The following POLD3 variants were observed in gnomAD, a reference collection of about 807,000 sequenced individuals.
POLD3 encodes the protein DNA polymerase delta 3, accessory subunit.
A neutral mutation model predicts 58.2 loss-of-function variants in POLD3; 19 were observed. That is an observed-to-expected ratio of 0.33 (90% CI 0.23 to 0.48). The LOEUF is 0.48. POLD3 is among the 20% of genes least tolerant of loss of function. The pLI is 0.99. For synonymous variants in POLD3, 172 were observed against 193.5 expected (o/e 0.89, Z 0.92); for missense variants, 504 against 545.5 (o/e 0.92, Z 0.76).
At chr11:74,661,516 T>C (rs2033206723) in intron 4 of POLD3, among the ~76,000 whole-genome samples, 1 of 152,216 alleles carries the variant, frequency 6.6e-6, no homozygotes, top group Non-Finnish European at 1.5e-5. Flanking sequence ...GTGGAGACTC[T>C]TGTTCTCTTC....
chr11:74,639,698 G>A (rs1350320435), intron 11 of POLD3, among the ~76,000 whole-genome samples: 1 of 152,242 alleles, frequency 6.6e-6, no homozygotes, highest in African/African-American at 2.4e-5. Context: ...ATCTGTGCCT[G>A]TGTCCTTTGG....
intron 7 of POLD3, among the ~76,000 whole-genome samples, chr11:74,621,534 T>C (rs12288519): frequency 0.4 from 59,852 of 151,204 alleles, 12,845 homozygotes; most frequent in African/African-American, 0.57. Context: ...CTGGCTGTTA[T>C]GGTTTTTTTT....
rs1271243178 is a variant in POLD3 at position 74,642,602 on chromosome 11, A to G, written c.*1836A>G. ...AAATCCTATGATCTCTATGCCCAAT[A>G]TGCTGCCTCAACTCTGAGCTGTCTG... On this transcript the variant is annotated 3_prime_UTR_variant, in exon 12 of 12. Coordinates refer to ENST00000263681, the MANE Select transcript of POLD3 (RefSeq NM_006591.3). The G allele has an allele frequency of 4.1e-6, 4 of 985,040 alleles. No individual in the cohort carries two copies. The highest frequency in any genetic ancestry group is 4.8e-6 in the Non-Finnish European group (4 of 829,720). The allele number at this position is 985,040 out of a possible 1,614,324, so 61.0% of individuals were successfully genotyped here. A position where few individuals can be genotyped will look rare whatever the true frequency, so the allele number is the denominator to read the frequency against.
chr11:74,609,364 ATATATATATTTTTTTTT>A (rs1399998777), intron 3 of POLD3, among the ~76,000 whole-genome samples: 37 of 43,150 alleles, frequency 8.6e-4, no homozygotes, highest in African/African-American at 5.7e-3. Flanking sequence ...ATATATATAT[ATATATATATTTTTTTTT>A]TTTTTTTTTT....
chr11:74,633,585 G>T (rs546224211), intron 9 of POLD3, among the ~76,000 whole-genome samples: 2 of 152,156 alleles, frequency 1.3e-5, no homozygotes, highest in Non-Finnish European at 2.9e-5. Context: ...AGGCTAAGTC[G>T]CTACCCGGTC....
chr11:74,611,336 C>T (rs2031904463), intron 3 of POLD3, among the ~76,000 whole-genome samples, 163 bp from the exon 4 acceptor site: 1 of 152,056 alleles, frequency 6.6e-6, no homozygotes, highest in African/African-American at 2.4e-5. Context: ...TGAAAGTAAG[C>T]AAATTAAAAG....
chr11:74,635,281 G>A (rs1014813475), intron 10 of POLD3, among the ~76,000 whole-genome samples: 3 of 152,000 alleles, frequency 2.0e-5, no homozygotes, highest in Admixed American at 6.5e-5. Flanking sequence ...TAAATCTTAC[G>A]CTGATTTCCT....
intron 2 of POLD3, among the ~76,000 whole-genome samples, chr11:74,599,368 A>ATTTTT (rs60458731): frequency 7.2e-6 from 1 of 139,494 alleles, no homozygotes. Context: ...CTCTCAAGTA[A>ATTTTT]TTTTTTTTTT....
At chr11:74,610,192 T>C (rs545398129) in intron 3 of POLD3, among the ~76,000 whole-genome samples, 2 of 152,130 alleles carry the variant, frequency 1.3e-5, no homozygotes, top group African/African-American at 4.8e-5. Context: ...GAACTGTCTG[T>C]TCCTACCACT....
chr11:74,605,878 G>A (rs2031656791), intron 3 of POLD3, among the ~76,000 whole-genome samples: 1 of 152,150 alleles, frequency 6.6e-6, no homozygotes, highest in Non-Finnish European at 1.5e-5. Flanking sequence ...GAGCCCAGGA[G>A]TTCGAGACCA....
intron 3 of POLD3, among the ~76,000 whole-genome samples, chr11:74,610,497 C>T (rs1464925605): frequency 1.3e-5 from 2 of 152,184 alleles, no homozygotes; most frequent in Non-Finnish European, 2.9e-5. Flanking sequence ...GCATGAGCAG[C>T]CACATCTGGC....
intron 2 of POLD3, among the ~76,000 whole-genome samples, chr11:74,599,161 A>T (rs919302435): frequency 6.6e-6 from 1 of 152,116 alleles, no homozygotes; most frequent in African/African-American, 2.4e-5. Flanking sequence ...GTCTCCTGAG[A>T]GTAGCTGGGA....
chr11:74,648,186 C>T (rs2033024348), intron 4 of POLD3, among the ~76,000 whole-genome samples: 1 of 152,182 alleles, frequency 6.6e-6, no homozygotes, highest in African/African-American at 2.4e-5. Context: ...TTGTCATTCT[C>T]AGGTAGGTGT....
chr11:74,592,658 C>T lies in POLD3; in HGVS notation c.-1C>T, dbSNP rs1391265666. The T allele has an allele frequency of 9.3e-6, 15 of 1,611,998 alleles. No individual in the cohort carries two copies. The highest frequency in any genetic ancestry group is 1.3e-5 in the Non-Finnish European group (15 of 1,179,070). On this transcript the variant is annotated 5_prime_UTR_variant, in exon 1 of 12. Coordinates refer to ENST00000263681, the MANE Select transcript of POLD3 (RefSeq NM_006591.3). Reference sequence around the variant, plus strand: ...GAGGCGGGTCCCAGCGCTGCCGCACCATGGCGGACCAGCTTTATCTGGAAA... The same window carrying T: ...GAGGCGGGTCCCAGCGCTGCCGCACTATGGCGGACCAGCTTTATCTGGAAA...
chr11:74,667,929 AAT>A (rs1240141389), intron 4 of POLD3, among the ~76,000 whole-genome samples: 1 of 152,260 alleles, frequency 6.6e-6, no homozygotes, highest in African/African-American at 2.4e-5. Flanking sequence ...TTCTTCAAAG[AAT>A]ATATACAAAT....
chr11:74,625,279 G>C, intron 7 of POLD3, 129 bp from the exon 8 acceptor site: 1 of 586,558 alleles, frequency 1.7e-6, no homozygotes, highest in Non-Finnish European at 2.9e-6. Context: ...GAATGTTTCT[G>C]AATAGTCCAT....
intron 4 of POLD3, among the ~76,000 whole-genome samples, chr11:74,652,227 C>T (rs923838502): frequency 6.6e-6 from 1 of 152,178 alleles, no homozygotes; most frequent in Non-Finnish European, 1.5e-5. Flanking sequence ...AGTCTGTTAG[C>T]AACAAATCCC....
At chr11:74,610,033 G>A (rs113748936) in intron 3 of POLD3, among the ~76,000 whole-genome samples, 4 of 152,212 alleles carry the variant, frequency 2.6e-5, no homozygotes, top group African/African-American at 9.6e-5. Context: ...AGGATTGCTC[G>A]GTCAAAGGGT....
chr11:74,639,518 C>T (rs1445717671), intron 11 of POLD3, among the ~76,000 whole-genome samples: 2 of 152,208 alleles, frequency 1.3e-5, no homozygotes, highest in East Asian at 1.9e-4. Flanking sequence ...GTTTCTCTAT[C>T]GCTTGCTGCA....
Sources: allele counts gnomAD v4.1 joint callset (sites outside exome capture counted in the v4.1 genomes callset), GRCh38; gene constraint gnomAD v4.1.1; transcripts MANE v1.5; gene names NCBI Gene and HGNC (gene_info 2026-07-23, HGNC 2026-07-21).